LIPM: variants seen among roughly 807,000 people sequenced by gnomAD.
The protein encoded by LIPM is lipase family member M.
In LIPM, 42 loss-of-function variants were observed where a neutral mutation model predicts 42.4. The observed-to-expected ratio is 0.99, with a 90% CI of 0.77 to 1.28. LIPM has a LOEUF of 1.28. LIPM is among the 50% of genes most tolerant of loss of function. LIPM has a pLI of 0.00. For missense variants in LIPM, 524 were observed against 520.1 expected, an observed-to-expected ratio of 1.01 and a Z score of -0.07; for synonymous variants, 177 against 173.3, an observed-to-expected ratio of 1.02 and a Z score of -0.17.
intron 1 of LIPM, 124 bp downstream of exon 1, chr10:88,803,167 G>A: frequency 2.8e-6 from 3 of 1,058,172 alleles, no homozygotes; most frequent in Non-Finnish European, 4.0e-6. Context: ...TAGTGATGAA[G>A]TAGCAAATTG....
Position 88,820,293 on chromosome 10 carries a change from G to T in LIPM, c.1064G>T (p.Gly355Val). Residue 355 changes from glycine (G) to valine (V), a missense_variant, in exon 9 of 9, where the codon GGT becomes GTT. Coordinates refer to ENST00000404743, the MANE Select transcript of LIPM (RefSeq NM_001128215.1). ...MTVPTAMWTG[G>V]QDWLSNPEDV... ...GTCCCTACAGCAATGTGGACAGGAG[G>T]TCAGGACTGGCTTTCAAATCCAGAA... 6.4e-7 allele frequency: 1 copy of T among 1,552,068 alleles called. No individual in the cohort carries two copies. Among genetic ancestry groups the T allele is most frequent in the African/African-American group, 1.4e-5 (1 of 73,174 alleles).
chr10:88,810,595 T>C (rs1843642834), intron 2 of LIPM, among the ~76,000 whole-genome samples: 2 of 152,168 alleles, frequency 1.3e-5, no homozygotes, highest in African/African-American at 2.4e-5. Context: ...GTAAAGCTTA[T>C]AGCTTGTGGT....
chr10:88,808,177 TA>T (rs1414743866), intron 1 of LIPM, 120 bp from the exon 2 acceptor site: 1 of 615,780 alleles, frequency 1.6e-6, no homozygotes, highest in African/African-American at 1.8e-5. Flanking sequence ...CATGATTAGC[TA>T]GGGAAAAGCA....
chr10:88,814,499 T>G, intron 3 of LIPM, 31 bp from the exon 4 acceptor site: 1 of 1,450,116 alleles, frequency 6.9e-7, no homozygotes, highest in Non-Finnish European at 9.5e-7. Flanking sequence ...GATTATAATT[T>G]TTCATATAAC....
chr10:88,819,776 A>T (rs1441662139), intron 8 of LIPM, among the ~76,000 whole-genome samples: 1 of 152,172 alleles, frequency 6.6e-6, no homozygotes, highest in East Asian at 1.9e-4. Flanking sequence ...GCTGCCTGGG[A>T]TCACATAAAG....
At chr10:88,803,123 T>A in intron 1 of LIPM, 80 bp downstream of exon 1, 1 of 1,381,308 alleles carries the variant, frequency 7.2e-7, no homozygotes, top group Middle Eastern at 1.8e-4. Flanking sequence ...ATGTATTATA[T>A]TTATACATGG....
chr10:88,805,891 G>C (rs1347090591), intron 1 of LIPM: 1 of 436,282 alleles, frequency 2.3e-6, no homozygotes, highest in Non-Finnish European at 4.6e-6. Context: ...ATCAAACTGT[G>C]ATACAGACTT....
At chr10:88,815,245 C>A (rs1843704739) in intron 5 of LIPM, 21 bp downstream of exon 5, 1 of 1,548,678 alleles carries the variant, frequency 6.5e-7, no homozygotes, top group Non-Finnish European at 8.7e-7. Context: ...CCTCAGAAAA[C>A]TTCCTGTGTA....
intron 2 of LIPM, among the ~76,000 whole-genome samples, chr10:88,812,117 A>T (rs1357174279): frequency 6.6e-6 from 1 of 152,140 alleles, no homozygotes. Flanking sequence ...AGAGTTTTGG[A>T]CAGGGATTTA....
chr10:88,812,955 A>C lies in LIPM; in HGVS notation c.266-142A>C, dbSNP rs549677242. ...TCAAGGCACACACCAAAGGTCAAGT[A>C]ATTGGCCAAGATAACTAAGCTAGCA... On this transcript the variant is annotated intron_variant, in intron 2 of 8. Transcript: ENST00000404743. The C allele has an allele frequency of 3.9e-4, 260 of 661,352 alleles. 1 individual carries two copies. Among genetic ancestry groups the C allele is most frequent in the Admixed American group, 1.4e-3 (49 of 34,508 alleles). 41.0% of individuals were successfully genotyped at this position (661,352 alleles called of 1,614,324 possible).
At chr10:88,812,849 T>A (rs1228302772) in intron 2 of LIPM, among the ~76,000 whole-genome samples, 1 of 152,270 alleles carries the variant, frequency 6.6e-6, no homozygotes, top group African/African-American at 2.4e-5. Flanking sequence ...AGATTCTTTT[T>A]CTGCCGGGCA....
At chr10:88,806,335 G>A (rs183076983) in intron 1 of LIPM, among the ~76,000 whole-genome samples, 2 of 152,210 alleles carry the variant, frequency 1.3e-5, no homozygotes, top group Admixed American at 6.5e-5. Context: ...GACCTTGCCT[G>A]TCCAGCCCTG....
chr10:88,802,812 T>A lies in LIPM; in HGVS notation c.-85T>A. The A allele has an allele frequency of 1.5e-6, 2 of 1,360,084 alleles. No individual in the cohort carries two copies. Among genetic ancestry groups the A allele is most frequent in the African/African-American group, 1.5e-5 (1 of 67,730 alleles). The allele number at this position is 1,360,084 out of a possible 1,614,324, so 84.3% of individuals were successfully genotyped here. On this transcript the variant is annotated 5_prime_UTR_variant, in exon 1 of 9. An upstream open reading frame in the 5' UTR loses its in-frame stop. Coordinates refer to ENST00000404743, the MANE Select transcript of LIPM (RefSeq NM_001128215.1). ...GAGGGAATTGCAGCAGGAAAATATG[T>A]GAAGAGTTTTTAAACCCACAAATTC... is the stretch of plus-strand genomic sequence containing the variant.
chr10:88,812,107 AG>A (rs2133056024), intron 2 of LIPM, among the ~76,000 whole-genome samples: 1 of 152,280 alleles, frequency 6.6e-6, no homozygotes, highest in South Asian at 2.1e-4. Flanking sequence ...GCATTTTTGA[AG>A]AGTTTTGGAC....
rs751673446 is a variant in LIPM, at chr10:88,815,102, T to C, written c.589T>C (p.Ser197Pro). The C allele has an allele frequency of 6.5e-7, 1 of 1,545,186 alleles. No homozygotes were observed. The highest frequency in any genetic ancestry group is 1.2e-5 in the South Asian group (1 of 82,200). Residue 197 changes from serine to proline, a missense_variant, in exon 5 of 9, where the codon TCC becomes CCC. Transcript: ENST00000404743. ...TTCTTTTGCAGGCTTTATTGCATTTTCCACCATGCCAGAGCTGGCTCAGAA... is the reference window on the plus strand; with the variant it reads ...TTCTTTTGCAGGCTTTATTGCATTTCCCACCATGCCAGAGCTGGCTCAGAA... ...QGTTMGFIAF[S>P]TMPELAQKIK...
chr10:88,803,068 A>T (rs915076788), intron 1 of LIPM, 25 bp downstream of exon 1: 1 of 1,548,278 alleles, frequency 6.5e-7, no homozygotes, highest in Non-Finnish European at 8.7e-7. Flanking sequence ...CTGGGAAATG[A>T]GGTACTTAAC....
chr10:88,816,967 A>T (rs1341010331), intron 7 of LIPM, 80 bp downstream of exon 7: 2 of 1,043,716 alleles, frequency 1.9e-6, no homozygotes, highest in Non-Finnish European at 2.9e-6. Context: ...CCATTTAGAT[A>T]AGCCAGGGAT....
chr10:88,809,601 T>C (rs1337406371), intron 2 of LIPM, among the ~76,000 whole-genome samples: 1 of 152,222 alleles, frequency 6.6e-6, no homozygotes, highest in Non-Finnish European at 1.5e-5. Flanking sequence ...AAAACGTCTG[T>C]GCTAGTGCTT....
chr10:88,812,251 G>C (rs1843664572), intron 2 of LIPM, among the ~76,000 whole-genome samples: 1 of 152,164 alleles, frequency 6.6e-6, no homozygotes. Flanking sequence ...ATGTTGGCTT[G>C]TTCCAATACT....
Sources: allele counts gnomAD v4.1 joint callset (sites outside exome capture counted in the v4.1 genomes callset), GRCh38; gene constraint gnomAD v4.1.1; transcripts MANE v1.5; gene names NCBI Gene and HGNC (gene_info 2026-07-23, HGNC 2026-07-21).